The following ATOSA variants were observed in gnomAD, a reference collection of about 807,000 sequenced individuals.
ATOSA encodes atos homolog A.
At chr15:52,609,336 T>A in the ATOSA span, 4 of 1,614,020 alleles carry the variant, frequency 2.5e-6, no homozygotes, top group Non-Finnish European at 3.4e-6. Context: ...AATTTTTGTC[T>A]TCATATGAAC....
chr15:52,691,689 G>A, the ATOSA span, among the ~76,000 whole-genome samples: 25 of 152,094 alleles, frequency 1.6e-4, 1 homozygote, highest in South Asian at 5.2e-3. Context: ...TCAAAAATTA[G>A]CCAGGCATGG....
chr15:52,672,520 A>G, the ATOSA span, among the ~76,000 whole-genome samples: 3 of 150,468 alleles, frequency 2.0e-5, no homozygotes, highest in South Asian at 6.3e-4. Flanking sequence ...AAAAACCAGT[A>G]TTGTTAGTCT....
At chr15:52,601,231 A>G in the ATOSA span, 3 of 973,184 alleles carry the variant, frequency 3.1e-6, no homozygotes, top group African/African-American at 5.0e-5. Context: ...TGAATTGATA[A>G]AACACTTTTT....
chr15:52,653,883 G>C, the ATOSA span, among the ~76,000 whole-genome samples: 1 of 152,164 alleles, frequency 6.6e-6, no homozygotes, highest in South Asian at 2.1e-4. Flanking sequence ...TATTTGATTT[G>C]ATTTCACAAT....
the ATOSA span, among the ~76,000 whole-genome samples, chr15:52,599,452 A>G: frequency 6.6e-6 from 1 of 152,204 alleles, no homozygotes; most frequent in African/African-American, 2.4e-5. Flanking sequence ...TAATATATCA[A>G]AACACAACTC....
At chr15:52,630,306 G>C in the ATOSA span, among the ~76,000 whole-genome samples, 1 of 152,056 alleles carries the variant, frequency 6.6e-6, no homozygotes, top group Admixed American at 6.6e-5. Flanking sequence ...ATGGACTAAG[G>C]AAGATGAAGT....
At chr15:52,651,793 C>T in the ATOSA span, 1 of 1,399,148 alleles carries the variant, frequency 7.1e-7, no homozygotes, top group Non-Finnish European at 9.8e-7. Flanking sequence ...AAAGCAAGCA[C>T]CACAGCCAAC....
chr15:52,590,868 G>A, the ATOSA span: 1 of 152,148 alleles, frequency 6.6e-6, no homozygotes, highest in Non-Finnish European at 1.5e-5. Context: ...GTTGACTCAA[G>A]AATGTTATCA....
At chr15:52,611,139 A>G in the ATOSA span, 3 of 1,613,534 alleles carry the variant, frequency 1.9e-6, no homozygotes, top group Admixed American at 1.7e-5. Context: ...CCTGTAGAGA[A>G]TATTTCGTGG....
At chr15:52,588,250 C>T in the ATOSA span, among the ~76,000 whole-genome samples, 1 of 152,150 alleles carries the variant, frequency 6.6e-6, no homozygotes, top group African/African-American at 2.4e-5. Context: ...TTTGGGAGCC[C>T]TGCTCTACTA....
At chr15:52,652,063 G>C in the ATOSA span, 3 of 1,460,340 alleles carry the variant, frequency 2.1e-6, no homozygotes, top group African/African-American at 2.8e-5. Context: ...AAAGGCAGCA[G>C]AGTAAGAGCG....
chr15:52,611,521 T>G, the ATOSA span: 3 of 1,540,822 alleles, frequency 1.9e-6, no homozygotes, highest in Non-Finnish European at 2.7e-6. Flanking sequence ...TTATAAGAAG[T>G]AATGGAAAAC....
At chr15:52,639,485 T>C in the ATOSA span, among the ~76,000 whole-genome samples, 68 of 152,358 alleles carry the variant, frequency 4.5e-4, no homozygotes, top group African/African-American at 1.6e-3. Context: ...TAGTAAAATA[T>C]ATTGTATAAT....
the ATOSA span, among the ~76,000 whole-genome samples, chr15:52,672,231 C>A: frequency 6.8e-6 from 1 of 148,082 alleles, no homozygotes; most frequent in African/African-American, 2.5e-5. Flanking sequence ...CACCTGTAGT[C>A]CCAGCTACTC....
the ATOSA span, among the ~76,000 whole-genome samples, chr15:52,704,030 A>C: frequency 0.23 from 35,099 of 152,052 alleles, 4,751 homozygotes; most frequent in East Asian, 0.7. Flanking sequence ...TTTATAGGAA[A>C]TAAGGAAGAA....
At chr15:52,610,156 G>C in the ATOSA span, 4 of 1,613,940 alleles carry the variant, frequency 2.5e-6, no homozygotes, top group Non-Finnish European at 3.4e-6. Flanking sequence ...TGCTTCATTT[G>C]GGTTATGGTG....
At chr15:52,676,227 T>C in the ATOSA span, among the ~76,000 whole-genome samples, 1 of 152,310 alleles carries the variant, frequency 6.6e-6, no homozygotes, top group Non-Finnish European at 1.5e-5. Context: ...TTATATAGGA[T>C]AGTTCTTTGG....
the ATOSA span, chr15:52,610,485 T>C: frequency 7.2e-6 from 9 of 1,254,740 alleles, no homozygotes; most frequent in Admixed American, 2.1e-4. Context: ...CTTATTTTTG[T>C]TTGCGTTAAT....
chr15:52,683,507 C>T, the ATOSA span, among the ~76,000 whole-genome samples: 277 of 152,326 alleles, frequency 1.8e-3, 1 homozygote, highest in East Asian at 0.025. Flanking sequence ...TCAAACAGCT[C>T]TGGTTGATGT....
Sources: allele counts gnomAD v4.1 joint callset (sites outside exome capture counted in the v4.1 genomes callset), GRCh38; gene constraint gnomAD v4.1.1; transcripts MANE v1.5; gene names NCBI Gene and HGNC (gene_info 2026-07-23, HGNC 2026-07-21).